The following TUBA1C variants were observed in gnomAD, a reference collection of about 807,000 sequenced individuals.
TUBA1C encodes the protein tubulin alpha-1C chain.
A neutral mutation model predicts 34.9 loss-of-function variants in TUBA1C; 16 were observed. The observed-to-expected ratio is 0.46, with a 90% CI of 0.31 to 0.70. The LOEUF is 0.70. TUBA1C is among the 30% of genes least tolerant of loss of function. The pLI is 0.05. For missense variants in TUBA1C, 329 were observed against 587.3 expected (o/e 0.56, Z 4.55); for synonymous variants, 177 against 215.9 (o/e 0.82, Z 1.58).
At chr12:49,264,355 A>G (rs1942871212), upstream of TUBA1C, among the ~76,000 whole-genome samples, 1 of 152,268 alleles carries the variant, frequency 6.6e-6, no homozygotes, top group Non-Finnish European at 1.5e-5. Flanking sequence ...GCTCATTTAA[A>G]GAGGACGTAA....
At chr12:49,250,839 A>C (rs1488044956) in intron 1 of TUBA1C, among the ~76,000 whole-genome samples, 1 of 152,190 alleles carries the variant, frequency 6.6e-6, no homozygotes, top group East Asian at 1.9e-4. Flanking sequence ...GGCATAAAGT[A>C]TCAAGACCAA....
chr12:49,238,431 A>C (rs1292647744), intron 1 of TUBA1C, among the ~76,000 whole-genome samples: 1 of 152,010 alleles, frequency 6.6e-6, no homozygotes, highest in African/African-American at 2.4e-5. Flanking sequence ...CTCTAATTCA[A>C]TTCTCACACT....
chr12:49,259,811 G>GA (rs1942824704), intron 1 of TUBA1C, among the ~76,000 whole-genome samples: 3 of 152,134 alleles, frequency 2.0e-5, no homozygotes, highest in Admixed American at 2.0e-4. Flanking sequence ...AATTATGTAC[G>GA]AAAAAACATT....
At chr12:49,261,552 T>C (rs1212565234), upstream of TUBA1C, among the ~76,000 whole-genome samples, 1 of 152,196 alleles carries the variant, frequency 6.6e-6, no homozygotes, top group Non-Finnish European at 1.5e-5. Flanking sequence ...AATACCTTTG[T>C]AAAAACTCAT....
At chr12:49,227,940 C>G (rs909354334) in exon 1 of TUBA1C, 2 of 1,534,810 alleles carry the variant, frequency 1.3e-6, no homozygotes, top group East Asian at 4.9e-5. Context: ...GAACAATGGG[C>G]GCCCAGCTCT....
chr12:49,268,865 T>C (rs1056682209), intron 1 of TUBA1C, among the ~76,000 whole-genome samples: 3 of 152,168 alleles, frequency 2.0e-5, no homozygotes, highest in Non-Finnish European at 4.4e-5. Context: ...ATTCAGAGAA[T>C]GAATCAGAGC....
intron 1 of TUBA1C, among the ~76,000 whole-genome samples, chr12:49,267,646 G>A (rs150933470): frequency 2.6e-5 from 4 of 152,296 alleles, no homozygotes; most frequent in Non-Finnish European, 5.9e-5. Context: ...TCTCAAAAAG[G>A]TAAACATGAT....
upstream of TUBA1C, among the ~76,000 whole-genome samples, chr12:49,263,617 C>G (rs1424407237): frequency 6.6e-6 from 1 of 152,086 alleles, no homozygotes; most frequent in Non-Finnish European, 1.5e-5. Context: ...CATGAGCCAC[C>G]GTGCCCGGCC....
chr12:49,249,084 T>C (rs529323630), intron 1 of TUBA1C, among the ~76,000 whole-genome samples: 2 of 151,778 alleles, frequency 1.3e-5, no homozygotes, highest in East Asian at 1.9e-4. Flanking sequence ...AAAACATATA[T>C]ATAAGAAGAA....
At chr12:49,229,117 A>G (rs1942468521) in intron 1 of TUBA1C, among the ~76,000 whole-genome samples, 1 of 152,112 alleles carries the variant, frequency 6.6e-6, no homozygotes, top group Non-Finnish European at 1.5e-5. Flanking sequence ...GAGGCGGTGG[A>G]TTTTAGCTTG....
At chr12:49,257,856 T>C in intron 1 of TUBA1C, 1 of 190,976 alleles carries the variant, frequency 5.2e-6, no homozygotes, top group South Asian at 5.7e-5. Context: ...AAAAAAAAAG[T>C]TTACAATTTT....
In TUBA1C at chr12:49,273,445, G is replaced by C; in HGVS notation, c.*218G>C. ...CTGTCACCCAGGCTGGAGTGCAGTG[G>C]CATGATAATACATAGCTCATTGCAG... On this transcript the variant is annotated 3_prime_UTR_variant, in exon 4 of 4. Transcript: ENST00000301072. 1 of 754,450 alleles carries C rather than the reference G, an allele frequency of 1.3e-6. No individual in the cohort carries two copies. The highest frequency in any genetic ancestry group is 2.1e-6 in the Non-Finnish European group (1 of 470,792). 46.7% of individuals were successfully genotyped at this position (754,450 alleles called of 1,614,324 possible).
At chr12:49,270,180 C>A in intron 3 of TUBA1C, 2 of 1,119,254 alleles carry the variant, frequency 1.8e-6, no homozygotes, top group Non-Finnish European at 1.3e-6. Flanking sequence ...TGCTCTTTAG[C>A]CTATTTTGCT....
At chr12:49,268,184 C>T (rs563035853) in intron 1 of TUBA1C, among the ~76,000 whole-genome samples, 1 of 152,284 alleles carries the variant, frequency 6.6e-6, no homozygotes, top group African/African-American at 2.4e-5. Context: ...CCGCCACCTC[C>T]TGGGTTTGGG....
chr12:49,234,734 C>T (rs1942533740), intron 1 of TUBA1C, among the ~76,000 whole-genome samples: 1 of 152,262 alleles, frequency 6.6e-6, no homozygotes. Flanking sequence ...ATATCGCTGT[C>T]CGCGAAAGTT....
rs777213779 is a variant in TUBA1C, at chr12:49,269,539, G to A, written c.78G>A (p.Leu26=). The A allele has an allele frequency of 1.9e-6, 3 of 1,614,226 alleles. No individual in the cohort carries two copies. The highest frequency in any genetic ancestry group is 2.2e-5 in the South Asian group (2 of 91,084). Reference sequence around the variant, plus strand: ...ATGCCTGCTGGGAGCTCTACTGCCTGGAACACGGCATCCAGCCCGATGGCC... The same window carrying A: ...ATGCCTGCTGGGAGCTCTACTGCCTAGAACACGGCATCCAGCCCGATGGCC... ...IGNACWELYC[L]EHGIQPDGQM... Residue 26 remains leucine, a synonymous_variant, in exon 2 of 4, where the codon CTG becomes CTA. Coordinates refer to ENST00000301072, the MANE Select transcript of TUBA1C (RefSeq NM_032704.5).
At chr12:49,247,729 C>A (rs989524989) in intron 1 of TUBA1C, among the ~76,000 whole-genome samples, 1 of 152,014 alleles carries the variant, frequency 6.6e-6, no homozygotes, top group African/African-American at 2.4e-5. Flanking sequence ...AGGCGGATCA[C>A]GAGGTTAGGA....
intron 1 of TUBA1C, among the ~76,000 whole-genome samples, chr12:49,235,754 T>G (rs950145222): frequency 2.7e-5 from 4 of 149,994 alleles, no homozygotes; most frequent in Non-Finnish European, 5.9e-5. Context: ...AAAAAAAATC[T>G]TACATAGTTT....
At chr12:49,270,156 G>A in intron 3 of TUBA1C, 180 bp downstream of exon 3, 2 of 1,305,292 alleles carry the variant, frequency 1.5e-6, no homozygotes, top group South Asian at 1.2e-5. Context: ...GGACAACTAT[G>A]GGGTAGAAGT....
Sources: gnomAD v4.1 joint callset for allele counts (sites outside exome capture counted in the v4.1 genomes callset) on GRCh38, gnomAD v4.1.1 for gene constraint, MANE v1.5 for transcripts, NCBI Gene and HGNC (gene_info 2026-07-23, HGNC 2026-07-21) for gene names.